Variants in SMC4 observed in about 807,000 individuals in gnomAD.
SMC4 encodes structural maintenance of chromosomes protein 4.
SMC4 carries 87 observed loss-of-function variants against 145.6 expected under a neutral mutation model. The ratio of observed to expected loss-of-function variants is 0.60; its 90% CI spans 0.50 to 0.71. The LOEUF (loss-of-function observed/expected upper bound fraction) is 0.71. SMC4 is among the 30% of genes least tolerant of loss of function. The pLI is 0.00. For missense variants in SMC4, 1,447 were observed against 1,537.1 expected, an observed-to-expected ratio of 0.94 and a Z score of 0.98; for synonymous variants, 558 against 500.7, an observed-to-expected ratio of 1.11 and a Z score of -1.53.
chr3:160,402,542 T>G (rs1480482761), intron 3 of SMC4, 134 bp from the exon 4 acceptor site: 4 of 830,868 alleles, frequency 4.8e-6, no homozygotes, highest in South Asian at 1.7e-5. Context: ...ATGCCTGTGA[T>G]TAGCAATGAG....
intron 22 of SMC4, 157 bp from the exon 23 acceptor site, chr3:160,432,869 C>T (rs998834200): frequency 8.2e-6 from 5 of 609,186 alleles, no homozygotes; most frequent in Middle Eastern, 4.3e-4. Context: ...CCTCCAATAA[C>T]GTTTTTATAA....
chr3:160,404,186 G>C (rs756922295), intron 4 of SMC4, 142 bp from the exon 5 acceptor site: 21 of 659,550 alleles, frequency 3.2e-5, no homozygotes, highest in Non-Finnish European at 5.0e-5. Context: ...TTATTAATGA[G>C]AACTACTGGC....
At position 160,417,941 on chromosome 3, in the gene SMC4, A is replaced by G. The variant is rs1303269577; in HGVS notation, c.1656A>G (p.Glu552=). 3.1e-6 allele frequency: 5 copies of G among 1,611,238 alleles called. No homozygotes were observed. Among genetic ancestry groups the G allele is most frequent in the Non-Finnish European group, 3.4e-6 (4 of 1,178,496 alleles). The change falls in exon 11 of 24, where the codon GAA becomes GAG. Residue 552 remains glutamate (E), a synonymous_variant. Coordinates refer to ENST00000357388, the MANE Select transcript of SMC4 (RefSeq NM_001002800.3). ...RDIEGKLPQT[E]QELKEKEKEL... is the part of the protein sequence containing the mutation. The stretch of plus-strand genomic sequence containing the variant: ...TAGAAGGAAAACTCCCTCAAACTGA[A>G]CAAGAATTAAAGGAGGTAAATCTTT...
In SMC4 at chr3:160,434,401, T is replaced by C. The variant is rs956521953; in HGVS notation, c.*592T>C. On this transcript the variant is annotated 3_prime_UTR_variant, in exon 24 of 24. Transcript: ENST00000357388. ...AGTGTTTCAACAAGCCTAGGCTATC[T>C]CGTAAGTTGAAAAATATCCCACTAT... The C allele has an allele frequency of 6.6e-6, 1 of 152,194 alleles. No individual in the cohort carries two copies. Among genetic ancestry groups the C allele is most frequent in the African/African-American group, 2.4e-5 (1 of 41,458 alleles). 9.4% of individuals were successfully genotyped at this position (152,194 alleles called of 1,614,324 possible).
At chr3:160,414,267 G>C (rs777565868) in intron 8 of SMC4, 100 bp from the exon 9 acceptor site, 2 of 967,484 alleles carry the variant, frequency 2.1e-6, no homozygotes, top group Non-Finnish European at 3.3e-6. Flanking sequence ...CTTATTAAGA[G>C]CCTGGACATA....
intron 13 of SMC4, among the ~76,000 whole-genome samples, chr3:160,422,974 C>G (rs928244534): frequency 6.6e-6 from 1 of 152,132 alleles, no homozygotes; most frequent in African/African-American, 2.4e-5. Context: ...AGGTTTATTT[C>G]TGGGCTTTCA....
chr3:160,430,890 CTAT>C, intron 19 of SMC4, 139 bp from the exon 20 acceptor site: 1 of 1,230,808 alleles, frequency 8.1e-7, no homozygotes, highest in Non-Finnish European at 1.1e-6. Context: ...AATAAGAATA[CTAT>C]AATTTGTGAA....
chr3:160,410,632 T>C (rs1264992916), intron 5 of SMC4, among the ~76,000 whole-genome samples: 2 of 152,242 alleles, frequency 1.3e-5, no homozygotes, highest in East Asian at 3.8e-4. Flanking sequence ...GCTTATAGAC[T>C]GTCAGAAGTA....
At position 160,432,378 on chromosome 3, in the gene SMC4, G is replaced by T; in HGVS notation, c.3393G>T (p.Arg1131Ser). Residue 1131 changes from arginine to serine, a missense_variant, in exon 22 of 24, where the codon AGG becomes AGT. Coordinates refer to ENST00000357388, the MANE Select transcript of SMC4 (RefSeq NM_001002800.3). ...RQAYEDLRKQ[R>S]LNEFMAGFYI... Reference sequence around the variant, plus strand: ...CATATGAAGATCTTCGGAAACAAAGGCTTAATGAATTTATGGCAGGTTTTT... The same window carrying T: ...CATATGAAGATCTTCGGAAACAAAGTCTTAATGAATTTATGGCAGGTTTTT... 2 of 1,613,732 alleles carry T rather than the reference G, an allele frequency of 1.2e-6. No homozygotes were observed. Among genetic ancestry groups the T allele is most frequent in the Non-Finnish European group, 1.7e-6 (2 of 1,179,718 alleles).
intron 22 of SMC4, 85 bp from the exon 23 acceptor site, chr3:160,432,941 T>TACC: frequency 2.3e-6 from 2 of 862,348 alleles, no homozygotes. Context: ...AAAAAGATAG[T>TACC]AGAACTCAAT....
intron 16 of SMC4, among the ~76,000 whole-genome samples, chr3:160,425,337 C>T (rs1717678533): frequency 6.6e-6 from 1 of 152,010 alleles, no homozygotes; most frequent in Non-Finnish European, 1.5e-5. Context: ...TATGAAAAAG[C>T]AATGCACGCC....
At chr3:160,426,344 G>T (rs543872390) in intron 17 of SMC4, 144 bp downstream of exon 17, 4 of 685,344 alleles carry the variant, frequency 5.8e-6, no homozygotes, top group Non-Finnish European at 7.5e-6. Flanking sequence ...TATAAAGTAA[G>T]TGTTATTAAT....
intron 19 of SMC4, 32 bp downstream of exon 19, chr3:160,430,775 G>A (rs779488949): frequency 4.2e-5 from 67 of 1,585,478 alleles, no homozygotes; most frequent in Middle Eastern, 1.7e-4. Flanking sequence ...AGAGGAGATG[G>A]GATGATACTG....
At chr3:160,405,066 T>C (rs1468620005) in intron 5 of SMC4, among the ~76,000 whole-genome samples, 2 of 152,060 alleles carry the variant, frequency 1.3e-5, no homozygotes, top group Non-Finnish European at 2.9e-5. Flanking sequence ...AGTTGGTTTT[T>C]GTTTTGTTGA....
intron 1 of SMC4, 21 bp from the exon 2 acceptor site, chr3:160,400,801 C>T: frequency 1.3e-6 from 2 of 1,497,654 alleles, no homozygotes; most frequent in Non-Finnish European, 1.8e-6. Context: ...TGACTTGCTC[C>T]CGGCTGTCCC....
chr3:160,407,116 A>G (rs1715424792), intron 5 of SMC4, among the ~76,000 whole-genome samples: 1 of 152,180 alleles, frequency 6.6e-6, no homozygotes, highest in Non-Finnish European at 1.5e-5. Flanking sequence ...TAATGTTTTT[A>G]CTAAAAAGTT....
chr3:160,416,432 TA>T lies in SMC4; in HGVS notation c.1437+18del. ...GAAAAAGAAGTAAGTTTTTTTTTTT[TA>T]TCAGTGTTTATTTTGGTGGCTTTTT... is the stretch of plus-strand genomic sequence containing the variant. On this transcript the variant is annotated intron_variant, in intron 10 of 23. Coordinates refer to ENST00000357388, the MANE Select transcript of SMC4 (RefSeq NM_001002800.3). 7.0e-7 allele frequency: 1 copy of T among 1,424,650 alleles called. No individual in the cohort carries two copies. Among genetic ancestry groups the T allele is most frequent in the Non-Finnish European group, 9.3e-7 (1 of 1,073,278 alleles). 88.3% of individuals were successfully genotyped at this position (1,424,650 alleles called of 1,614,324 possible).
Position 160,434,749 on chromosome 3 carries a change from T to A in SMC4, c.*940T>A, listed in dbSNP as rs372537047. The A allele has an allele frequency of 7.9e-5, 12 of 152,338 alleles. No homozygotes were observed. The highest frequency in any genetic ancestry group is 2.6e-4 in the African/African-American group (11 of 41,574). The allele number at this position is 152,338 out of a possible 1,614,324, so 9.4% of individuals were successfully genotyped here. A position where few individuals can be genotyped will look rare whatever the true frequency, so the allele number is the denominator to read the frequency against. On this transcript the variant is annotated 3_prime_UTR_variant, in exon 24 of 24. Transcript: ENST00000357388. ...AACCACTTGGTTTTTGGAAGGACTTTCGGTATTGTATTAGAAGTCTGCCCT... is the reference window on the plus strand; with the variant it reads ...AACCACTTGGTTTTTGGAAGGACTTACGGTATTGTATTAGAAGTCTGCCCT...
chr3:160,400,722 G>A (rs1183964191), intron 1 of SMC4, 100 bp from the exon 2 acceptor site: 1 of 1,351,194 alleles, frequency 7.4e-7, no homozygotes. Context: ...AGTGTTAAGC[G>A]GGGCTCTCGG....
Sources: allele counts gnomAD v4.1 joint callset (sites outside exome capture counted in the v4.1 genomes callset), GRCh38; gene constraint gnomAD v4.1.1; transcripts MANE v1.5; gene names NCBI Gene and HGNC (gene_info 2026-07-23, HGNC 2026-07-21).